Variants in AFF1 observed in about 807,000 individuals in gnomAD.
The protein encoded by AFF1 is ALF transcription elongation factor 1.
AFF1 carries 48 observed loss-of-function variants against 121.7 expected under a neutral mutation model. That is an observed-to-expected ratio of 0.39 (90% confidence interval 0.31 to 0.50). The LOEUF (loss-of-function observed/expected upper bound fraction) is 0.50. Ranked by LOEUF, AFF1 falls within the 20% of genes least tolerant of loss-of-function variation. The pLI is 0.76. For synonymous variants in AFF1, 613 were observed against 563.0 expected (o/e 1.09, Z -1.26); for missense variants, 1,523 against 1,511.7 (o/e 1.01, Z -0.12).
intron 8 of AFF1, among the ~76,000 whole-genome samples, chr4:87,103,761 A>G (rs1036972340): frequency 6.6e-6 from 1 of 152,214 alleles, no homozygotes; most frequent in Non-Finnish European, 1.5e-5. Context: ...AAAGTTACAG[A>G]ATTTTTAATC....
chr4:87,012,351 CT>C (rs975693554), intron 2 of AFF1, among the ~76,000 whole-genome samples: 3 of 150,602 alleles, frequency 2.0e-5, no homozygotes, highest in Admixed American at 1.3e-4. Flanking sequence ...TATTCTAATT[CT>C]GTATGTGAGA....
At chr4:87,046,027 G>A (rs1730652089) in intron 2 of AFF1, 139 bp from the exon 3 acceptor site, 1 of 1,073,754 alleles carries the variant, frequency 9.3e-7, no homozygotes. Flanking sequence ...AGGAACTTAG[G>A]CTTTCTTTAA....
intron 2 of AFF1, among the ~76,000 whole-genome samples, chr4:86,961,981 A>G (rs1722184586): frequency 6.6e-6 from 1 of 152,198 alleles, no homozygotes; most frequent in Non-Finnish European, 1.5e-5. Context: ...TTCCAGTAGG[A>G]CAGAGTATTC....
intron 12 of AFF1, among the ~76,000 whole-genome samples, chr4:87,123,572 G>C (rs1028212375): frequency 7.9e-5 from 12 of 152,350 alleles, no homozygotes; most frequent in Middle Eastern, 3.4e-3. Context: ...TTTGAAACAA[G>C]ACACTGCATA....
intron 8 of AFF1, among the ~76,000 whole-genome samples, chr4:87,095,692 GCCAGTAAGT>G (rs898275982): frequency 3.3e-5 from 5 of 152,044 alleles, no homozygotes; most frequent in Non-Finnish European, 7.4e-5. Flanking sequence ...CTTTATTAAG[GCCAGTAAGT>G]CCAGAAATAT....
intron 2 of AFF1, among the ~76,000 whole-genome samples, chr4:87,021,660 G>T (rs1030823813): frequency 1.3e-5 from 2 of 152,164 alleles, no homozygotes; most frequent in African/African-American, 2.4e-5. Flanking sequence ...TAAGTTAATT[G>T]TAATTAAAAG....
In AFF1 at chr4:87,115,338, A is replaced by G. The variant is rs1279858381; in HGVS notation, c.2466+39A>G. The stretch of plus-strand genomic sequence containing the variant: ...GACTGCCCTGACTCCAGCGTGGACC[A>G]TCCTTGCTGTTGGCCTGGCGGTATC... On this transcript the variant is annotated intron_variant, in intron 12 of 20. Coordinates refer to ENST00000395146, the MANE Select transcript of AFF1 (RefSeq NM_001166693.3). 27 of 1,495,932 alleles carry G rather than the reference A, an allele frequency of 1.8e-5. 1 individual carries two copies. The South Asian group carries it at 3.4e-4, about 19-fold the overall frequency. The allele number at this position is 1,495,932 out of a possible 1,614,324, so 92.7% of individuals were successfully genotyped here.
Position 87,114,414 on chromosome 4 carries a change from C to T in AFF1, c.1581C>T (p.Thr527=). ...TNKWQLDNWL[T]KVSQPAAPPE... is the part of the protein sequence containing the mutation. ...AATGGCAGCTGGACAACTGGCTGAC[C>T]AAAGTCAGCCAGCCAGCTGCGCCAC... is the stretch of plus-strand genomic sequence containing the variant. The change falls in exon 12 of 21, where the codon ACC becomes ACT. Residue 527 remains threonine (T), a synonymous_variant. Coordinates refer to ENST00000395146, the MANE Select transcript of AFF1 (RefSeq NM_001166693.3). 3 of 1,607,034 alleles carry T rather than the reference C, an allele frequency of 1.9e-6. No individual in the cohort carries two copies. The highest frequency in any genetic ancestry group is 2.5e-6 in the Non-Finnish European group (3 of 1,178,318).
intron 2 of AFF1, among the ~76,000 whole-genome samples, chr4:87,032,496 A>C (rs1300985962): frequency 6.6e-6 from 1 of 152,246 alleles, no homozygotes; most frequent in African/African-American, 2.4e-5. Flanking sequence ...TGGACAACTT[A>C]TTCCTCCTTT....
intron 12 of AFF1, among the ~76,000 whole-genome samples, chr4:87,118,117 G>A (rs1008265623): frequency 2.6e-5 from 4 of 152,220 alleles, no homozygotes; most frequent in East Asian, 1.9e-4. Flanking sequence ...GGTATTTAGT[G>A]TTTTTATTTA....
At chr4:87,055,819 CATA>C (rs1182879367) in intron 4 of AFF1, among the ~76,000 whole-genome samples, 22 of 152,132 alleles carry the variant, frequency 1.4e-4, no homozygotes, top group African/African-American at 5.1e-4. Context: ...TTCATGTTAA[CATA>C]ATAATTTATT....
intron 1 of AFF1, among the ~76,000 whole-genome samples, chr4:86,937,268 G>A (rs1452118721): frequency 1.3e-5 from 2 of 152,176 alleles, no homozygotes; most frequent in East Asian, 3.8e-4. Context: ...TGTTAAATTA[G>A]AATACAAAGA....
intron 2 of AFF1, among the ~76,000 whole-genome samples, chr4:86,982,948 C>G (rs59030024): frequency 0.027 from 4,034 of 151,330 alleles, 82 homozygotes; most frequent in African/African-American, 0.05. Context: ...GGAAGTGAGC[C>G]TTTACCAGAC....
At chr4:87,037,065 A>G (rs553615511) in intron 2 of AFF1, among the ~76,000 whole-genome samples, 89 of 152,200 alleles carry the variant, frequency 5.8e-4, no homozygotes, top group African/African-American at 2.0e-3. Context: ...TGAGTTCAGA[A>G]CCCAAAATCA....
chr4:87,067,829 T>G (rs1721517924), intron 4 of AFF1, among the ~76,000 whole-genome samples: 1 of 152,244 alleles, frequency 6.6e-6, no homozygotes, highest in Non-Finnish European at 1.5e-5. Context: ...AATGTCTACA[T>G]GCCACAGTTT....
intron 4 of AFF1, among the ~76,000 whole-genome samples, chr4:87,050,567 A>C (rs1446651401): frequency 6.6e-6 from 1 of 152,178 alleles, no homozygotes; most frequent in East Asian, 1.9e-4. Context: ...AAAAACTCAT[A>C]GTCTTCTCTG....
chr4:86,977,643 G>A (rs1227820099), intron 2 of AFF1, among the ~76,000 whole-genome samples: 2 of 152,100 alleles, frequency 1.3e-5, no homozygotes, highest in Non-Finnish European at 2.9e-5. Flanking sequence ...TTTTCCTATT[G>A]TATTTTATAG....
intron 4 of AFF1, among the ~76,000 whole-genome samples, chr4:87,063,657 G>C (rs1721041829): frequency 6.6e-6 from 1 of 152,174 alleles, no homozygotes; most frequent in Non-Finnish European, 1.5e-5. Flanking sequence ...CAGAGCTATG[G>C]AGTTAGAATG....
At chr4:87,126,475 CT>C (rs1728261576) in intron 14 of AFF1, 139 bp downstream of exon 14, 2 of 764,934 alleles carry the variant, frequency 2.6e-6, no homozygotes, top group East Asian at 2.6e-5. Context: ...GTTTAAAATG[CT>C]ACTTTTTGGA....
Sources: allele counts gnomAD v4.1 joint callset (sites outside exome capture counted in the v4.1 genomes callset), GRCh38; gene constraint gnomAD v4.1.1; transcripts MANE v1.5; gene names NCBI Gene and HGNC (gene_info 2026-07-23, HGNC 2026-07-21).